Variants in PARD3B observed in about 807,000 individuals in gnomAD.
PARD3B encodes the protein partitioning defective 3 homolog B.
Under a neutral mutation model 130.2 loss-of-function variants are expected in PARD3B, and 103 were observed. That is an observed-to-expected ratio of 0.79 (90% CI 0.67 to 0.93). PARD3B has a LOEUF of 0.93. PARD3B is among the 40% of genes least tolerant of loss of function. The probability of loss-of-function intolerance (pLI) is 0.00; values close to 1 mark genes in which losing one functional copy is unlikely to be tolerated. For synonymous variants in PARD3B, 583 were observed against 553.2 expected, an observed-to-expected ratio of 1.05 and a Z score of -0.76; for missense variants, 1,609 against 1,499.2, an observed-to-expected ratio of 1.07 and a Z score of -1.21.
chr2:205,574,835 A>G (rs1037926809), intron 22 of PARD3B, among the ~76,000 whole-genome samples: 6 of 145,536 alleles, frequency 4.1e-5, no homozygotes, highest in African/African-American at 1.5e-4. Flanking sequence ...AGAAGCTGCA[A>G]TGGGGAAGTC....
intron 2 of PARD3B, among the ~76,000 whole-genome samples, chr2:204,808,838 G>A (rs1326128773): frequency 6.6e-6 from 1 of 152,150 alleles, no homozygotes; most frequent in Non-Finnish European, 1.5e-5. Flanking sequence ...ATTCCTATGA[G>A]TATATACCCA....
In PARD3B at chr2:205,446,928, T is replaced by C. The variant is rs183270115; in HGVS notation, c.3044+6256T>C. On this transcript the variant is annotated intron_variant, in intron 20 of 22. Coordinates refer to ENST00000406610, the MANE Select transcript of PARD3B (RefSeq NM_001302769.2). The surrounding 1 kb of genome is among the most constrained non-coding windows in gnomAD (Gnocchi z 4.4). ...TCCAAATAGGGGGCTAGAAGGTATA[T>C]GTGGCACACAGCACAAATGCAGTTT... Among the ~76,000 whole-genome samples, 11 of 152,314 alleles carry C rather than the reference T, an allele frequency of 7.2e-5. No individual in the cohort carries two copies. The highest frequency in any genetic ancestry group is 3.4e-3 in the Middle Eastern group (1 of 294).
At chr2:204,756,189 C>G (rs1430686360) in intron 2 of PARD3B, among the ~76,000 whole-genome samples, 2 of 152,044 alleles carry the variant, frequency 1.3e-5, no homozygotes, top group Non-Finnish European at 2.9e-5. Context: ...GCAAGGGGGT[C>G]ACACAAGATT....
chr2:205,473,935 A>G lies in PARD3B; in HGVS notation c.3045-25961A>G, dbSNP rs1223924430. On this transcript the variant is annotated intron_variant, in intron 20 of 22. Coordinates refer to ENST00000406610, the MANE Select transcript of PARD3B (RefSeq NM_001302769.2). The surrounding 1 kb of genome is among the most constrained non-coding windows in gnomAD (Gnocchi z 4.9). ...TGTCCCCATGACAACCTTTCTTGCC[A>G]TGTGAAATTTAGAGTAACTCATATT... is the stretch of plus-strand genomic sequence containing the variant. 1.3e-5 allele frequency among the ~76,000 whole-genome samples: 2 copies of G among 151,570 alleles called. No individual in the cohort carries two copies. Among genetic ancestry groups the G allele is most frequent in the Non-Finnish European group, 2.9e-5 (2 of 67,854 alleles).
At chr2:205,237,892 G>A (rs1254199415) in intron 15 of PARD3B, among the ~76,000 whole-genome samples, 1 of 152,054 alleles carries the variant, frequency 6.6e-6, no homozygotes, top group Non-Finnish European at 1.5e-5. Flanking sequence ...CCCAGAATTG[G>A]ACCCCAATTA....
chr2:204,990,363 A>G (rs1192400222), intron 3 of PARD3B, among the ~76,000 whole-genome samples: 2 of 152,062 alleles, frequency 1.3e-5, no homozygotes, highest in Non-Finnish European at 2.9e-5. Flanking sequence ...TTATTAGCGT[A>G]TCACCTCAAA....
At chr2:205,417,219 G>A (rs2046810092) in intron 19 of PARD3B, among the ~76,000 whole-genome samples, 1 of 151,732 alleles carries the variant, frequency 6.6e-6, no homozygotes, top group Non-Finnish European at 1.5e-5. Flanking sequence ...TCAGAATGAT[G>A]GTTTCCAGCT....
chr2:205,455,748 A>G (rs2048252081), intron 20 of PARD3B, among the ~76,000 whole-genome samples: 1 of 151,916 alleles, frequency 6.6e-6, no homozygotes, highest in Admixed American at 6.6e-5. Flanking sequence ...CCTTCACCCA[A>G]TTTTCTCCAG....
At chr2:205,548,116 GT>G (rs2052456352) in intron 21 of PARD3B, among the ~76,000 whole-genome samples, 1 of 152,040 alleles carries the variant, frequency 6.6e-6, no homozygotes, top group African/African-American at 2.4e-5. Flanking sequence ...TGGGTTCAGT[GT>G]TTTTGGCCTG....
In PARD3B at chr2:205,456,689, T is replaced by C. The variant is rs145770008; in HGVS notation, c.3044+16017T>C. Among the ~76,000 whole-genome samples, 95 of 151,838 alleles carry C rather than the reference T, an allele frequency of 6.3e-4. No homozygotes were observed. The East Asian group carries it at 0.015, about 23-fold the overall frequency. On this transcript the variant is annotated intron_variant, in intron 20 of 22. Transcript: ENST00000406610. ...TAGGCTGTTAACATGTTGGTTTACA[T>C]TGATCACTTTTCAAACATTGAACCT...
intron 21 of PARD3B, among the ~76,000 whole-genome samples, chr2:205,549,839 G>A (rs975270589): frequency 2.6e-5 from 4 of 152,176 alleles, no homozygotes; most frequent in African/African-American, 9.7e-5. Context: ...GTAGCACACT[G>A]GTGGGCATGC....
intron 19 of PARD3B, among the ~76,000 whole-genome samples, chr2:205,427,027 T>C (rs770453558): frequency 6.6e-6 from 1 of 152,076 alleles, no homozygotes; most frequent in Non-Finnish European, 1.5e-5. Context: ...ATACTCAGCA[T>C]CATATAAGAA....
In PARD3B at chr2:204,799,763, A is replaced by G. The variant is rs2042500093; in HGVS notation, c.222+113481A>G. On this transcript the variant is annotated intron_variant, in intron 2 of 22. Coordinates refer to ENST00000406610, the MANE Select transcript of PARD3B (RefSeq NM_001302769.2). This position sits in a 1 kb window ranked among gnomAD's most constrained non-coding sequence, Gnocchi z 4.1. The stretch of plus-strand genomic sequence containing the variant: ...CTTCTCCCAGATCTTATCCAAGACC[A>G]CCAAGATGGTACCTGTACAAGTCTG... Among the ~76,000 whole-genome samples the G allele has an allele frequency of 6.6e-6, 1 of 152,214 alleles. No individual in the cohort carries two copies. Among genetic ancestry groups the G allele is most frequent in the Non-Finnish European group, 1.5e-5 (1 of 68,044 alleles).
At chr2:205,489,701 G>T (rs1038004755) in intron 20 of PARD3B, among the ~76,000 whole-genome samples, 1 of 151,808 alleles carries the variant, frequency 6.6e-6, no homozygotes, top group Non-Finnish European at 1.5e-5. Context: ...CAGTCAGGAG[G>T]TCATTGTACA....
At chr2:205,231,629 A>G (rs982132695) in intron 15 of PARD3B, among the ~76,000 whole-genome samples, 8 of 151,578 alleles carry the variant, frequency 5.3e-5, no homozygotes, top group African/African-American at 1.9e-4. Context: ...GAACCACTGC[A>G]CCCAGCCAGA....
chr2:205,450,607 G>A (rs932711445), intron 20 of PARD3B, among the ~76,000 whole-genome samples: 3 of 151,204 alleles, frequency 2.0e-5, no homozygotes, highest in African/African-American at 4.9e-5. Context: ...CTGAGTAGCT[G>A]GGATTACAGG....
At chr2:204,866,249 C>T (rs997657196) in intron 2 of PARD3B, among the ~76,000 whole-genome samples, 2 of 152,146 alleles carry the variant, frequency 1.3e-5, no homozygotes, top group Non-Finnish European at 2.9e-5. Flanking sequence ...AGCTCAAAAT[C>T]CATTTCCACC....
chr2:205,147,874 CCTTT>C (rs1205572572), intron 10 of PARD3B, among the ~76,000 whole-genome samples: 2 of 152,074 alleles, frequency 1.3e-5, no homozygotes, highest in Non-Finnish European at 2.9e-5. Context: ...TTACATTTTT[CCTTT>C]CTTTATGAGT....
intron 2 of PARD3B, among the ~76,000 whole-genome samples, chr2:204,883,275 T>C (rs548445557): frequency 6.6e-6 from 1 of 151,204 alleles, no homozygotes; most frequent in Non-Finnish European, 1.5e-5. Flanking sequence ...TGTGTTAATA[T>C]TTTATTTTTC....
Sources: allele counts gnomAD v4.1 joint callset (sites outside exome capture counted in the v4.1 genomes callset), GRCh38; gene constraint gnomAD v4.1.1; non-coding constraint Gnocchi (gnomAD v3.1); transcripts MANE v1.5; gene names NCBI Gene and HGNC (gene_info 2026-07-23, HGNC 2026-07-21).